Variants in PKHD1L1 observed in about 807,000 individuals in gnomAD.
The protein encoded by PKHD1L1 is PKHD1 like 1.
PKHD1L1 carries 434 observed loss-of-function variants against 462.9 expected under a neutral mutation model. That is an observed-to-expected ratio of 0.94 (90% CI 0.87 to 1.02). The LOEUF (loss-of-function observed/expected upper bound fraction) is 1.02. PKHD1L1 is among the 50% of genes least tolerant of loss of function. PKHD1L1 has a pLI of 0.00. For missense variants in PKHD1L1, 5,202 were observed against 5,096.1 expected, an observed-to-expected ratio of 1.02 and a Z score of -0.63; for synonymous variants, 1,781 against 1,750.0, an observed-to-expected ratio of 1.02 and a Z score of -0.44.
chr8:109,404,267 G>C (rs904786318), intron 14 of PKHD1L1, among the ~76,000 whole-genome samples: 4 of 152,130 alleles, frequency 2.6e-5, no homozygotes, highest in African/African-American at 9.7e-5. Flanking sequence ...AAGATGTTGA[G>C]TATAAGAAAT....
At position 109,451,103 on chromosome 8, in the gene PKHD1L1, A is replaced by T; in HGVS notation, c.6304A>T (p.Ser2102Cys). The T allele has an allele frequency of 3.1e-6, 5 of 1,613,314 alleles. No homozygotes were observed. The highest frequency in any genetic ancestry group is 4.2e-6 in the Non-Finnish European group (5 of 1,179,432). Residue 2102 changes from serine to cysteine, a missense_variant, in exon 41 of 78, where the codon AGT becomes TGT. By Grantham distance (112) the Ser-to-Cys change is moderately radical. Coordinates refer to ENST00000378402, the MANE Select transcript of PKHD1L1 (RefSeq NM_177531.6). ...CACTGCAGTATCTCCTAAGAGAGGC[A>T]GTACAGCAGGGGGCACCAGACTGAC... is the stretch of plus-strand genomic sequence containing the variant. ...LITAVSPKRG[S>C]TAGGTRLTVV...
Position 109,500,535 on chromosome 8 carries a change from AAAAAC to A in PKHD1L1, c.10828+1765_10828+1769del, listed in dbSNP as rs1335728210. ...ACTAAAAATACAAAAAAAAAAAAAAAAAAACCTAGCTGGGCATAATCCCAGCTACT... is the reference window on the plus strand; with the variant it reads ...ACTAAAAATACAAAAAAAAAAAAAAACTAGCTGGGCATAATCCCAGCTACT... On this transcript the variant is annotated intron_variant, in intron 67 of 77. Coordinates refer to ENST00000378402, the MANE Select transcript of PKHD1L1 (RefSeq NM_177531.6). Among the ~76,000 whole-genome samples the A allele has an allele frequency of 1.2e-3, 163 of 140,366 alleles. 1 individual carries two copies. The highest frequency in any genetic ancestry group is 4.0e-3 in the African/African-American group (151 of 37,950). 92.1% of individuals were successfully genotyped at this position (140,366 alleles called of 152,430 possible). A position where few individuals can be genotyped will look rare whatever the true frequency, so the allele number is the denominator to read the frequency against.
chr8:109,518,320 CAGA>C lies in PKHD1L1; in HGVS notation c.11847_11849del (p.Glu3949del). On this transcript the variant is annotated inframe_deletion, in exon 73 of 78. Transcript: ENST00000378402. ...GTTTCTTTCCAATTATCTGTTGCAA[CAGA>C]AGATGACTTTTATACCTCTCACAAT... The C allele has an allele frequency of 2.5e-6, 4 of 1,613,306 alleles. No individual in the cohort carries two copies. The highest frequency in any genetic ancestry group is 3.4e-6 in the Non-Finnish European group (4 of 1,179,472).
chr8:109,393,034 C>A (rs1812786091), intron 9 of PKHD1L1, among the ~76,000 whole-genome samples: 1 of 152,200 alleles, frequency 6.6e-6, no homozygotes, highest in Admixed American at 6.5e-5. Context: ...AATTTCCCCA[C>A]TAACTTAAGA....
intron 21 of PKHD1L1, among the ~76,000 whole-genome samples, chr8:109,415,864 G>GGGGGT (rs1412111334): frequency 2.0e-5 from 2 of 100,408 alleles, no homozygotes; most frequent in African/African-American, 7.0e-5. Flanking sequence ...AAAAAAAAGG[G>GGGGGT]GTGTGTGTGT....
In PKHD1L1 at chr8:109,523,356, A is replaced by G. The variant is rs1820655487; in HGVS notation, c.12454A>G (p.Asn4152Asp). Residue 4152 changes from asparagine to aspartate, a missense_variant, in exon 76 of 78, where the codon AAC (asparagine) becomes GAC (aspartate). By Grantham distance (23) the Asn-to-Asp change is conservative. This residue lies in a region of PKHD1L1 where 698 missense variants were observed against 736.3 expected (regional missense o/e 0.95). Coordinates refer to ENST00000378402, the MANE Select transcript of PKHD1L1 (RefSeq NM_177531.6). ...TTIPFSSCWA[N>D]YTDLTPLRTG... Reference sequence around the variant, plus strand: ...AATTCCGTTTAGCAGCTGTTGGGCCAACTACACAGACCTTACTCCCCTTAG... The same window carrying G: ...AATTCCGTTTAGCAGCTGTTGGGCCGACTACACAGACCTTACTCCCCTTAG... 13 of 1,613,328 alleles carry G rather than the reference A, an allele frequency of 8.1e-6. No individual in the cohort carries two copies. The highest frequency in any genetic ancestry group is 1.1e-5 in the Non-Finnish European group (13 of 1,179,540).
intron 50 of PKHD1L1, among the ~76,000 whole-genome samples, chr8:109,467,055 A>G (rs891897419): frequency 3.3e-5 from 5 of 152,076 alleles, no homozygotes; most frequent in African/African-American, 1.2e-4. Context: ...AAAATGTACC[A>G]GTGTTCCTGC....
At position 109,394,452 on chromosome 8, in the gene PKHD1L1, C is replaced by G. The variant is rs530313710; in HGVS notation, c.778C>G (p.Leu260Val). Residue 260 changes from leucine to valine, a missense_variant, in exon 10 of 78, where the codon CTC becomes GTC. Physicochemically the swap from Leu to Val is conservative, Grantham distance 32. This residue lies in a region of PKHD1L1 where 4,497 missense variants were observed against 4,336.8 expected (regional missense o/e 1.04). Coordinates refer to ENST00000378402, the MANE Select transcript of PKHD1L1 (RefSeq NM_177531.6). ...GAAAATGGCATATTTTGTTTCTTCT[C>G]TCAATAAAATTGCAATGTTTCAAAC... ...PQKMAYFVSS[L>V]NKIAMFQTYA... 1.1e-5 allele frequency: 17 copies of G among 1,529,364 alleles called. No individual in the cohort carries two copies. Among genetic ancestry groups the G allele is most frequent in the Non-Finnish European group, 1.4e-5 (16 of 1,133,952 alleles). The allele number at this position is 1,529,364 out of a possible 1,614,324, so 94.7% of individuals were successfully genotyped here.
At chr8:109,484,185 A>G (rs552055431) in intron 57 of PKHD1L1, among the ~76,000 whole-genome samples, 48 of 152,016 alleles carry the variant, frequency 3.2e-4, no homozygotes, top group African/African-American at 1.2e-3. Flanking sequence ...TCTACTTACA[A>G]TATGTTTTTA....
intron 46 of PKHD1L1, among the ~76,000 whole-genome samples, chr8:109,458,847 A>G (rs1033659492): frequency 6.6e-6 from 1 of 152,126 alleles, no homozygotes; most frequent in Non-Finnish European, 1.5e-5. Flanking sequence ...AATCAGGGAA[A>G]CTTTCTACTT....
At position 109,382,513 on chromosome 8, in the gene PKHD1L1, C is replaced by A; in HGVS notation, c.359C>A (p.Pro120His). ...GTTAGAGTCAGTGTGGACGGGGTTCCTGTTACGGAAAATAACACCTGCAAA... is the reference window on the plus strand; with the variant it reads ...GTTAGAGTCAGTGTGGACGGGGTTCATGTTACGGAAAATAACACCTGCAAA... ...YTVRVSVDGV[P>H]VTENNTCKGH... The change falls in exon 4 of 78, where the codon CCT becomes CAT. Residue 120 changes from proline to histidine, a missense_variant. Physicochemically the swap from Pro to His is moderately conservative, Grantham distance 77. This residue lies in a region of PKHD1L1 where 4,497 missense variants were observed against 4,336.8 expected (regional missense o/e 1.04). Coordinates refer to ENST00000378402, the MANE Select transcript of PKHD1L1 (RefSeq NM_177531.6). 1 of 1,612,518 alleles carries A rather than the reference C, an allele frequency of 6.2e-7. No homozygotes were observed. Among genetic ancestry groups the A allele is most frequent in the Non-Finnish European group, 8.5e-7 (1 of 1,179,134 alleles).
In PKHD1L1 at chr8:109,396,093, G is replaced by A. The variant is rs774012219; in HGVS notation, c.878G>A (p.Arg293His). ...GGCACCACGCTGACAATAAGTGGGC[G>A]TTTCTTTGATCAGACAGATTTCCCC... is the stretch of plus-strand genomic sequence containing the variant. ...RGGTTLTISG[R>H]FFDQTDFPVR... The change falls in exon 11 of 78, where the codon CGT becomes CAT. Residue 293 changes from arginine to histidine, a missense_variant. By Grantham distance (29) the Arg-to-His change is conservative (BLOSUM62 0). Around this residue, in one of 3 missense-constraint regions of PKHD1L1, gnomAD observed 4,497 missense variants for 4,336.8 expected, o/e 1.04. Transcript: ENST00000378402. 1.2e-5 allele frequency: 20 copies of A among 1,609,146 alleles called. No individual in the cohort carries two copies. The highest frequency in any genetic ancestry group is 5.0e-5 in the Admixed American group (3 of 59,572).
rs1403742625 is a variant in PKHD1L1, at chr8:109,531,088, G to C, written c.*998G>C. On this transcript the variant is annotated 3_prime_UTR_variant, in exon 78 of 78. Transcript: ENST00000378402. ...ACTCCTAATAAAGACATTGTAGCCA[G>C]ATCCAGAGCCTTCCAGCAAGTGACA... Among the ~76,000 whole-genome samples the C allele has an allele frequency of 1.3e-5, 2 of 152,204 alleles. No homozygotes were observed. Among genetic ancestry groups the C allele is most frequent in the Non-Finnish European group, 2.9e-5 (2 of 68,038 alleles).
At chr8:109,377,976 G>A (rs929818704) in intron 2 of PKHD1L1, among the ~76,000 whole-genome samples, 5 of 151,820 alleles carry the variant, frequency 3.3e-5, no homozygotes, top group African/African-American at 9.7e-5. Flanking sequence ...TCTCTGTTTT[G>A]CATTACCCTT....
At chr8:109,466,483 T>C in intron 49 of PKHD1L1, 95 bp from the exon 50 acceptor site, 1 of 1,231,884 alleles carries the variant, frequency 8.1e-7, no homozygotes, top group Non-Finnish European at 1.1e-6. Flanking sequence ...TAGACTGTAT[T>C]AGTGGTACTA....
rs1237921466 is a variant in PKHD1L1, at chr8:109,451,986, G to A, written c.6351-138G>A. 18 of 659,124 alleles carry A rather than the reference G, an allele frequency of 2.7e-5. No individual in the cohort carries two copies. The South Asian group carries it at 4.3e-4, about 16-fold the overall frequency. 40.8% of individuals were successfully genotyped at this position (659,124 alleles called of 1,614,324 possible). A position where few individuals can be genotyped will look rare whatever the true frequency, so the allele number is the denominator to read the frequency against. On this transcript the variant is annotated intron_variant, in intron 41 of 77. Transcript: ENST00000378402. ...TTTGAAGTCTTAATATTGAAAAAAA[G>A]CATCAATCTACACTTTGGTGGCTGA... is the stretch of plus-strand genomic sequence containing the variant.
rs370412895 is a variant in PKHD1L1 at position 109,477,303 on chromosome 8, A to T, written c.8996A>T (p.Asn2999Ile). 1.9e-6 allele frequency: 3 copies of T among 1,613,522 alleles called. No individual in the cohort carries two copies. Among genetic ancestry groups the T allele is most frequent in the Non-Finnish European group, 2.5e-6 (3 of 1,179,648 alleles). ...LDPDVKDVVI[N>I]FQAYCCILQD... ...CCTGATGTGAAAGACGTTGTTATTA[A>T]TTTCCAAGCTTACTGTTGTATTCTC... is the stretch of plus-strand genomic sequence containing the variant. The change falls in exon 53 of 78, where the codon AAT (asparagine) becomes ATT (isoleucine). Residue 2999 changes from asparagine (N) to isoleucine (I), a missense_variant. Transcript: ENST00000378402.
At position 109,439,057 on chromosome 8, in the gene PKHD1L1, T is replaced by G. The variant is rs1366462713; in HGVS notation, c.3921T>G (p.Tyr1307Ter). The G allele has an allele frequency of 6.2e-7, 1 of 1,613,152 alleles. No individual in the cohort carries two copies. Among genetic ancestry groups the G allele is most frequent in the Non-Finnish European group, 8.5e-7 (1 of 1,179,594 alleles). ...PKLSPGKHDI[Y>*]VEVRNWGFAS... ...TGTCTCCTGGAAAACATGATATCTA[T>G]GTAGAAGTCAGAAACTGGGGTTTTG... is the stretch of plus-strand genomic sequence containing the variant. Residue 1307 changes from tyrosine to a stop codon, truncating the protein, a stop_gained, in exon 32 of 78, where the codon TAT (tyrosine) becomes TAG (stop). Transcript: ENST00000378402. LOFTEE classifies it high-confidence loss of function.
intron 34 of PKHD1L1, 95 bp downstream of exon 34, chr8:109,441,474 C>T: frequency 1.3e-6 from 1 of 783,504 alleles, no homozygotes. Context: ...TATTGAGAGA[C>T]TAAGTATTGT....
Sources: gnomAD v4.1 joint callset for allele counts (sites outside exome capture counted in the v4.1 genomes callset) on GRCh38, gnomAD v4.1.1 for gene constraint, gnomAD v4.1.1 regional missense constraint, MANE v1.5 for transcripts, NCBI Gene and HGNC (gene_info 2026-07-23, HGNC 2026-07-21) for gene names.